NTM: variants seen among roughly 807,000 people sequenced by gnomAD.
The protein encoded by NTM is IgLON family member 2.
NTM carries 13 observed loss-of-function variants against 42.1 expected under a neutral mutation model. The ratio of observed to expected loss-of-function variants is 0.31; its 90% CI spans 0.20 to 0.49. NTM has a LOEUF of 0.49. Ranked by LOEUF, NTM falls within the 20% of genes least tolerant of loss-of-function variation. NTM has a pLI of 0.99. For missense variants in NTM, 373 were observed against 452.8 expected, an observed-to-expected ratio of 0.82 and a Z score of 1.60; for synonymous variants, 187 against 179.2, an observed-to-expected ratio of 1.04 and a Z score of -0.35.
At chr11:132,273,084 T>C (rs1471128085) in intron 4 of NTM, among the ~76,000 whole-genome samples, 3 of 152,118 alleles carry the variant, frequency 2.0e-5, no homozygotes, top group African/African-American at 4.8e-5. Flanking sequence ...CTGCTATTCC[T>C]AGTTTGTTGT....
intron 2 of NTM, among the ~76,000 whole-genome samples, chr11:132,097,822 A>G (rs192412541): frequency 6.6e-6 from 1 of 152,348 alleles, no homozygotes; most frequent in East Asian, 1.9e-4. Context: ...AAGGAGCCAG[A>G]GGGAAAAGGG....
intron 1 of NTM, among the ~76,000 whole-genome samples, chr11:131,697,737 C>T (rs933929293): frequency 3.3e-5 from 5 of 151,964 alleles, no homozygotes; most frequent in African/African-American, 9.7e-5. Context: ...TACGTATTTC[C>T]ACATGAATTC....
At chr11:131,627,410 A>C (rs2063225883) in intron 1 of NTM, among the ~76,000 whole-genome samples, 1 of 152,132 alleles carries the variant, frequency 6.6e-6, no homozygotes, top group Admixed American at 6.5e-5. Context: ...AGATAAAGGC[A>C]AACGTAATAA....
intron 1 of NTM, among the ~76,000 whole-genome samples, chr11:131,723,316 A>G (rs913838092): frequency 3.3e-5 from 5 of 152,244 alleles, no homozygotes; most frequent in Non-Finnish European, 5.9e-5. Context: ...GATGGATGGG[A>G]GAGTGTAGAG....
At chr11:132,239,702 G>A (rs2139184207) in intron 4 of NTM, among the ~76,000 whole-genome samples, 1 of 152,282 alleles carries the variant, frequency 6.6e-6, no homozygotes, top group Non-Finnish European at 1.5e-5. Context: ...ATAATGAATA[G>A]TTTTTATCTC....
chr11:131,515,004 G>C (rs891025867), intron 1 of NTM, among the ~76,000 whole-genome samples: 2 of 152,086 alleles, frequency 1.3e-5, no homozygotes, highest in African/African-American at 2.4e-5. Context: ...GACGTCTTGG[G>C]AACAAGCGAT....
intron 4 of NTM, among the ~76,000 whole-genome samples, chr11:132,301,132 G>T (rs1042770913): frequency 6.6e-6 from 1 of 152,254 alleles, no homozygotes; most frequent in African/African-American, 2.4e-5. Flanking sequence ...CCTCAGGGCT[G>T]GGGAGGCCTC....
intron 1 of NTM, chr11:131,660,633 C>T (rs890001984): frequency 9.2e-5 from 42 of 455,370 alleles, no homozygotes; most frequent in Non-Finnish European, 1.7e-4. Flanking sequence ...GGTCTGTGCA[C>T]CCCTCCCCCC....
intron 4 of NTM, among the ~76,000 whole-genome samples, chr11:132,260,086 CAAGG>C (rs1050932743): frequency 1.3e-5 from 2 of 152,110 alleles, no homozygotes; most frequent in African/African-American, 4.8e-5. Context: ...GAATGGGAAA[CAAGG>C]GAGGAGGAGG....
intron 4 of NTM, among the ~76,000 whole-genome samples, chr11:132,270,097 C>T (rs999671876): frequency 3.9e-5 from 6 of 152,120 alleles, no homozygotes; most frequent in East Asian, 1.9e-4. Flanking sequence ...CTACGGATAG[C>T]GTTTTATTCA....
intron 1 of NTM, among the ~76,000 whole-genome samples, chr11:131,789,602 A>AGAAGG (rs2090387016): frequency 1.4e-5 from 1 of 71,886 alleles, no homozygotes; most frequent in Non-Finnish European, 2.8e-5. Flanking sequence ...GAAGAAGAAG[A>AGAAGG]AGAAGAAGAA....
chr11:131,770,079 T>G (rs2085804847), intron 1 of NTM, among the ~76,000 whole-genome samples: 1 of 152,148 alleles, frequency 6.6e-6, no homozygotes, highest in African/African-American at 2.4e-5. Flanking sequence ...CTCACATTCT[T>G]TCACTGACAT....
At position 132,304,314 on chromosome 11, in the gene NTM, G is replaced by GAA. The variant is rs113483851; in HGVS notation, c.527-3374_527-3373dup. On this transcript the variant is annotated intron_variant, in intron 4 of 8. Coordinates refer to ENST00000683400, the MANE Select transcript of NTM (RefSeq NM_001352005.2). ...CTTATAATGAGAAGCTGTTGACCGT[G>GAA]AAGTTTCTTTTCATAGGGTTATATC... Among the ~76,000 whole-genome samples the GAA allele has an allele frequency of 6.9e-3, 1,050 of 152,116 alleles. 15 individuals are homozygous for GAA. Among genetic ancestry groups the GAA allele is most frequent in the African/African-American group, 0.024 (1,016 of 41,504 alleles).
At chr11:131,698,493 C>T (rs377665992) in intron 1 of NTM, among the ~76,000 whole-genome samples, 1 of 152,194 alleles carries the variant, frequency 6.6e-6, no homozygotes, top group Admixed American at 6.5e-5. Context: ...CATAACAACA[C>T]GATGAGGCAG....
intron 2 of NTM, among the ~76,000 whole-genome samples, chr11:131,963,976 A>G (rs552309912): frequency 6.6e-6 from 1 of 152,214 alleles, no homozygotes; most frequent in Non-Finnish European, 1.5e-5. Context: ...TAAGTACGCT[A>G]GTTATACTTA....
intron 2 of NTM, among the ~76,000 whole-genome samples, chr11:132,086,661 G>C (rs1793628): frequency 6.6e-6 from 1 of 152,196 alleles, no homozygotes; most frequent in East Asian, 1.9e-4. Flanking sequence ...GCCCAGTCTC[G>C]TATATTCTTT....
At chr11:131,551,865 C>T (rs933917661) in intron 1 of NTM, among the ~76,000 whole-genome samples, 2 of 152,114 alleles carry the variant, frequency 1.3e-5, no homozygotes, top group African/African-American at 2.4e-5. Flanking sequence ...TGAGGTGAAA[C>T]TGTCACATCC....
At chr11:132,000,085 T>C (rs1054821516) in intron 2 of NTM, among the ~76,000 whole-genome samples, 4 of 152,164 alleles carry the variant, frequency 2.6e-5, no homozygotes, top group Non-Finnish European at 4.4e-5. Context: ...TATCGGTACA[T>C]TCAGGTGAGC....
chr11:131,617,651 T>C (rs2062076740), intron 1 of NTM, among the ~76,000 whole-genome samples: 1 of 152,188 alleles, frequency 6.6e-6, no homozygotes, highest in Admixed American at 6.5e-5. Context: ...CGTTATGTTG[T>C]TCTGAGCTGA....
Sources: allele counts gnomAD v4.1 joint callset (sites outside exome capture counted in the v4.1 genomes callset), GRCh38; gene constraint gnomAD v4.1.1; transcripts MANE v1.5; gene names NCBI Gene and HGNC (gene_info 2026-07-23, HGNC 2026-07-21).